PCDHA4: variants seen among roughly 807,000 people sequenced by gnomAD.
PCDHA4 encodes the protein protocadherin alpha 4, also known as protocadherin alpha-4.
A neutral mutation model predicts 61.4 loss-of-function variants in PCDHA4; 49 were observed. The observed-to-expected ratio is 0.80, with a 90% CI of 0.63 to 1.01. PCDHA4 has a LOEUF of 1.01. PCDHA4 is among the 50% of genes least tolerant of loss of function. PCDHA4 has a pLI of 0.00. For synonymous variants in PCDHA4, 590 were observed against 550.3 expected (o/e 1.07, Z -1.01); for missense variants, 1,254 against 1,235.8 (o/e 1.01, Z -0.22).
At chr5:140,931,405 G>A (rs1395168165) in intron 1 of PCDHA4, among the ~76,000 whole-genome samples, 1 of 151,984 alleles carries the variant, frequency 6.6e-6, no homozygotes, top group South Asian at 2.1e-4. Flanking sequence ...CGATAGGAAG[G>A]CTGATGAATC....
intron 1 of PCDHA4, chr5:140,928,975 T>C (rs2085693610): frequency 1.9e-6 from 3 of 1,613,806 alleles, no homozygotes; most frequent in African/African-American, 1.3e-5. Context: ...TTCCTTTTTA[T>C]TTCTGGGGTG....
chr5:141,009,923 A>T lies in PCDHA4; in HGVS notation c.2830A>T (p.Asn944Tyr), dbSNP rs1463725058. The change falls in exon 4 of 4, where the codon AAC becomes TAC. Residue 944 changes from asparagine (N) to tyrosine (Y), a missense_variant. By Grantham distance (143) the Asn-to-Tyr change is moderately radical. Coordinates refer to ENST00000530339, the MANE Select transcript of PCDHA4 (RefSeq NM_018907.4). ...KKEKGNSTTD[N>Y]SDQ ...AGAGAAAGGGAACAGCACGACTGAC[A>T]ACAGTGACCAGTGAGGTCCTCAAAT... 6.2e-7 allele frequency: 1 copy of T among 1,608,790 alleles called. No homozygotes were observed. The highest frequency in any genetic ancestry group is 8.5e-7 in the Non-Finnish European group (1 of 1,178,528).
Position 140,956,288 on chromosome 5 carries a change from C to A in PCDHA4, c.2386-22661C>A, listed in dbSNP as rs115259112. The stretch of plus-strand genomic sequence containing the variant: ...AGTGTGGTATTGGCTGTGGGTTTAT[C>A]ATATATATGGCTCTTATTATTTTGA... On this transcript the variant is annotated intron_variant, in intron 1 of 3. Transcript: ENST00000530339. Among the ~76,000 whole-genome samples, 994 of 152,174 alleles carry A rather than the reference C, an allele frequency of 6.5e-3. 6 individuals carry two copies. Among genetic ancestry groups the A allele is most frequent in the African/African-American group, 0.022 (916 of 41,532 alleles).
At chr5:140,901,644 G>A (rs1223864756) in intron 1 of PCDHA4, among the ~76,000 whole-genome samples, 1 of 152,024 alleles carries the variant, frequency 6.6e-6, no homozygotes, top group Non-Finnish European at 1.5e-5. Context: ...GATTCTTCCG[G>A]TTTTGTTCTT....
chr5:140,862,630 C>T (rs138501125), intron 1 of PCDHA4: 7 of 535,352 alleles, frequency 1.3e-5, no homozygotes, highest in Non-Finnish European at 2.7e-5. Flanking sequence ...GCGGGGCTGC[C>T]ACGACTTCAC....
chr5:140,961,263 T>A (rs782231630), intron 1 of PCDHA4, among the ~76,000 whole-genome samples: 1 of 152,218 alleles, frequency 6.6e-6, no homozygotes, highest in Non-Finnish European at 1.5e-5. Flanking sequence ...TCCAGGAAGC[T>A]TCTTTTTACC....
chr5:140,855,292 C>A lies in PCDHA4; in HGVS notation c.2385+45720C>A, dbSNP rs950015519. Reference sequence around the variant, plus strand: ...ACTCAACCACCGTATTACTATTAGGCCAAAGTTATAAAATTGGAACATGAG... The same window carrying A: ...ACTCAACCACCGTATTACTATTAGGACAAAGTTATAAAATTGGAACATGAG... On this transcript the variant is annotated intron_variant, in intron 1 of 3. Transcript: ENST00000530339. Among the ~76,000 whole-genome samples, 36 of 149,604 alleles carry A rather than the reference C, an allele frequency of 2.4e-4. 2 individuals carry two copies. Among genetic ancestry groups the A allele is most frequent in the African/African-American group, 8.6e-4 (35 of 40,780 alleles).
At chr5:140,966,246 G>T (rs184430396) in intron 1 of PCDHA4, 5 of 319,412 alleles carry the variant, frequency 1.6e-5, no homozygotes, top group African/African-American at 6.4e-5. Flanking sequence ...TTAAGCAGGG[G>T]AGAGACGGTG....
chr5:140,829,988 A>C (rs1770730087), intron 1 of PCDHA4: 3 of 1,613,924 alleles, frequency 1.9e-6, no homozygotes, highest in Non-Finnish European at 2.5e-6. Context: ...CGAGATCAGC[A>C]CCACTCGTGT....
intron 3 of PCDHA4, among the ~76,000 whole-genome samples, chr5:140,993,020 C>G (rs2097537480): frequency 6.6e-6 from 1 of 152,192 alleles, no homozygotes; most frequent in African/African-American, 2.4e-5. Flanking sequence ...TCCAGCATCC[C>G]CTGTGGGCTC....
intron 1 of PCDHA4, among the ~76,000 whole-genome samples, chr5:140,916,270 G>A (rs1487301756): frequency 1.3e-5 from 2 of 152,180 alleles, no homozygotes; most frequent in Admixed American, 1.3e-4. Flanking sequence ...GAGCATGCTT[G>A]TTGCTCTACT....
intron 1 of PCDHA4, among the ~76,000 whole-genome samples, chr5:140,952,596 GTT>G (rs1246642070): frequency 6.6e-6 from 1 of 152,136 alleles, no homozygotes; most frequent in Non-Finnish European, 1.5e-5. Flanking sequence ...TCTCTAGGAA[GTT>G]CTAAGCTCTC....
Position 140,807,265 on chromosome 5 carries a change from A to G in PCDHA4, c.78A>G (p.Ala26=). Residue 26 remains alanine (A), a synonymous_variant, in exon 1 of 4, where the codon GCA becomes GCG. Coordinates refer to ENST00000530339, the MANE Select transcript of PCDHA4 (RefSeq NM_018907.4). ...TTCTTCTCCTCGCAGCCTGGGAGGCAGGGAACGGTCAGCTCCACTACTCGG... is the reference window on the plus strand; with the variant it reads ...TTCTTCTCCTCGCAGCCTGGGAGGCGGGGAACGGTCAGCTCCACTACTCGG... ...LLLLLLAAWE[A]GNGQLHYSVS... 1 of 1,614,220 alleles carries G rather than the reference A, an allele frequency of 6.2e-7. No individual in the cohort carries two copies.
chr5:140,999,693 AT>A (rs202183337), intron 3 of PCDHA4, among the ~76,000 whole-genome samples: 13 of 151,522 alleles, frequency 8.6e-5, no homozygotes, highest in African/African-American at 2.4e-4. Flanking sequence ...AAGAAATGTG[AT>A]TTTTTTTTAG....
chr5:140,869,442 G>A (rs782686984), intron 1 of PCDHA4: 3 of 1,614,208 alleles, frequency 1.9e-6, no homozygotes, highest in African/African-American at 1.3e-5. Flanking sequence ...TGGACAGGCC[G>A]CTGCAGGTTT....
intron 1 of PCDHA4, chr5:140,876,955 G>A: frequency 6.2e-7 from 1 of 1,613,390 alleles, no homozygotes; most frequent in Non-Finnish European, 8.5e-7. Context: ...CTACTCGCTG[G>A]TGGAGCGGCG....
chr5:140,870,732 T>G (rs782731773), intron 1 of PCDHA4: 27 of 1,613,288 alleles, frequency 1.7e-5, no homozygotes, highest in African/African-American at 2.7e-5. Flanking sequence ...GCGTGCCGCC[T>G]CTGAGCAGCA....
At chr5:140,823,487 G>A (rs150930880) in intron 1 of PCDHA4, 1 of 1,613,144 alleles carries the variant, frequency 6.2e-7, no homozygotes, top group East Asian at 2.2e-5. Context: ...CGAGTGGGTG[G>A]CACCGGCGGC....
At chr5:140,838,663 T>C (rs1206585706) in intron 1 of PCDHA4, among the ~76,000 whole-genome samples, 3 of 152,036 alleles carry the variant, frequency 2.0e-5, no homozygotes, top group Admixed American at 1.3e-4. Flanking sequence ...TAACGGGGCA[T>C]GGTGGCACAC....
Sources: gnomAD v4.1 joint callset for allele counts (sites outside exome capture counted in the v4.1 genomes callset) on GRCh38, gnomAD v4.1.1 for gene constraint, MANE v1.5 for transcripts, NCBI Gene and HGNC (gene_info 2026-07-23, HGNC 2026-07-21) for gene names.